The following VWA5B1 variants were observed in gnomAD, a reference collection of about 807,000 sequenced individuals.
VWA5B1 encodes von Willebrand factor A domain-containing protein 5B1.
Under a neutral mutation model 118.2 loss-of-function variants are expected in VWA5B1, and 115 were observed. That is an observed-to-expected ratio of 0.97 (90% CI 0.84 to 1.14). The LOEUF is 1.14. VWA5B1 is among the 50% of genes most tolerant of loss of function. The pLI is 0.00. For missense variants in VWA5B1, 1,596 were observed against 1,603.8 expected (o/e 1.00, Z 0.08); for synonymous variants, 682 against 658.4 (o/e 1.04, Z -0.55).
intron 2 of VWA5B1, 89 bp from the exon 3 acceptor site, chr1:20,312,747 A>G (rs2088885838): frequency 3.5e-6 from 5 of 1,417,814 alleles, no homozygotes; most frequent in Non-Finnish European, 4.6e-6. Flanking sequence ...ACCACCCAAC[A>G]GGCAGACCAA....
At position 20,355,081 on chromosome 1, in the gene VWA5B1, C is replaced by T. The variant is rs1483224659; in HGVS notation, c.*818C>T. Among the ~76,000 whole-genome samples the T allele has an allele frequency of 1.3e-5, 2 of 152,168 alleles. No individual in the cohort carries two copies. The highest frequency in any genetic ancestry group is 4.8e-5 in the African/African-American group (2 of 41,438). Reference sequence around the variant, plus strand: ...ATGGTCACAGAAGTCAATGAAGACACCAGACAACACCTTACTTAATTTTCC... The same window carrying T: ...ATGGTCACAGAAGTCAATGAAGACATCAGACAACACCTTACTTAATTTTCC... On this transcript the variant is annotated 3_prime_UTR_variant, in exon 22 of 22. Transcript: ENST00000289815.
At chr1:20,331,548 A>G (rs1207529461) in intron 11 of VWA5B1, among the ~76,000 whole-genome samples, 1 of 152,206 alleles carries the variant, frequency 6.6e-6, no homozygotes, top group Non-Finnish European at 1.5e-5. Context: ...AGGCCAGTCC[A>G]ACAGCTGTGA....
chr1:20,335,980 T>G (rs1426696656), intron 12 of VWA5B1, among the ~76,000 whole-genome samples: 2 of 152,194 alleles, frequency 1.3e-5, no homozygotes, highest in East Asian at 3.8e-4. Flanking sequence ...GAGAATGGAA[T>G]GGAAGGAACA....
At chr1:20,345,987 C>T (rs555198307) in intron 17 of VWA5B1, among the ~76,000 whole-genome samples, 1 of 152,320 alleles carries the variant, frequency 6.6e-6, no homozygotes, top group Non-Finnish European at 1.5e-5. Flanking sequence ...TCCTTCCAGA[C>T]TTCTCTCTAT....
At chr1:20,321,441 T>A (rs1232655857) in intron 7 of VWA5B1, among the ~76,000 whole-genome samples, 2 of 152,114 alleles carry the variant, frequency 1.3e-5, no homozygotes, top group East Asian at 3.9e-4. Flanking sequence ...AAAAATTAGC[T>A]GGGCTTGGTG....
intron 3 of VWA5B1, among the ~76,000 whole-genome samples, chr1:20,313,914 G>T (rs192302128): frequency 1.4e-4 from 22 of 152,274 alleles, no homozygotes; most frequent in Non-Finnish European, 2.6e-4. Flanking sequence ...TCACGGAGGG[G>T]TTGTGTGGGT....
rs1056348398 is a variant in VWA5B1 at position 20,299,488 on chromosome 1, C to T, written c.-27+8400C>T. Reference sequence around the variant, plus strand: ...GTGCGATCTTAGCTCACCGCAAGCTCCACTTCCCAGGTTCAAGCGATTCTC... The same window carrying T: ...GTGCGATCTTAGCTCACCGCAAGCTTCACTTCCCAGGTTCAAGCGATTCTC... On this transcript the variant is annotated intron_variant, in intron 1 of 21. Transcript: ENST00000289815. 1.3e-4 allele frequency among the ~76,000 whole-genome samples: 20 copies of T among 152,340 alleles called. No individual in the cohort carries two copies. In the East Asian group the frequency reaches 3.9e-3, roughly 29 times the overall value.
chr1:20,305,219 G>A (rs1259550968), intron 1 of VWA5B1, among the ~76,000 whole-genome samples: 1 of 152,172 alleles, frequency 6.6e-6, no homozygotes, highest in Non-Finnish European at 1.5e-5. Context: ...ATGAGCGAGT[G>A]GTCTTGAAGA....
intron 4 of VWA5B1, among the ~76,000 whole-genome samples, chr1:20,315,207 G>A (rs761184483): frequency 2.0e-5 from 3 of 152,212 alleles, no homozygotes; most frequent in Non-Finnish European, 4.4e-5. Flanking sequence ...GTTCTCGTGG[G>A]CGAAAGCAGC....
intron 3 of VWA5B1, among the ~76,000 whole-genome samples, chr1:20,313,317 G>A (rs1028524805): frequency 6.6e-6 from 1 of 152,220 alleles, no homozygotes; most frequent in African/African-American, 2.4e-5. Context: ...CAGAGGCTGT[G>A]GGACCAGTCA....
chr1:20,323,235 A>T, intron 7 of VWA5B1, 121 bp from the exon 8 acceptor site: 1 of 957,734 alleles, frequency 1.0e-6, no homozygotes, highest in Non-Finnish European at 1.4e-6. Context: ...TCAGCCCGGA[A>T]GTCTTCCATG....
In VWA5B1 at chr1:20,330,921, C is replaced by T; in HGVS notation, c.1510C>T (p.Leu504=). ...PNVCHRLVKG[L]ASVSEGSAEL... is the part of the protein sequence containing the mutation. The stretch of plus-strand genomic sequence containing the variant: ...CGTCTGCCACAGACTGGTGAAAGGA[C>T]TGGCATCTGTGTCCGAGGGCAGTGC... The change falls in exon 11 of 22, where the codon CTG becomes TTG. Residue 504 remains leucine, a synonymous_variant. Coordinates refer to ENST00000289815, the MANE Select transcript of VWA5B1 (RefSeq NM_001039500.3). The T allele has an allele frequency of 1.3e-6, 2 of 1,551,734 alleles. No individual in the cohort carries two copies. Among genetic ancestry groups the T allele is most frequent in the Non-Finnish European group, 1.7e-6 (2 of 1,146,996 alleles).
rs1244523351 is a variant in VWA5B1 at position 20,355,881 on chromosome 1, C to A, written c.*1618C>A. Among the ~76,000 whole-genome samples, 3 of 149,972 alleles carry A rather than the reference C, an allele frequency of 2.0e-5. No homozygotes were observed. Among genetic ancestry groups the A allele is most frequent in the Admixed American group, 6.6e-5 (1 of 15,048 alleles). ...CTTTTGAATACTTAAGATGAAATCCCATTGCTGCCTTGTGGACTGGCTCTG... is the reference window on the plus strand; with the variant it reads ...CTTTTGAATACTTAAGATGAAATCCAATTGCTGCCTTGTGGACTGGCTCTG... On this transcript the variant is annotated 3_prime_UTR_variant, in exon 22 of 22. Transcript: ENST00000289815.
chr1:20,327,711 T>C (rs2089429905), intron 8 of VWA5B1, among the ~76,000 whole-genome samples, 179 bp from the exon 9 acceptor site: 1 of 152,028 alleles, frequency 6.6e-6, no homozygotes, highest in Non-Finnish European at 1.5e-5. Context: ...TGGTCCAGCC[T>C]CTGGTCAGTG....
At chr1:20,334,548 C>T (rs1259935625) in intron 12 of VWA5B1, among the ~76,000 whole-genome samples, 2 of 152,208 alleles carry the variant, frequency 1.3e-5, no homozygotes, top group South Asian at 4.1e-4. Context: ...CGATGGCTCA[C>T]GCCTATAATC....
intron 1 of VWA5B1, among the ~76,000 whole-genome samples, chr1:20,294,707 A>C (rs1234391609): frequency 6.6e-6 from 1 of 152,074 alleles, no homozygotes; most frequent in African/African-American, 2.4e-5. Context: ...TCAAACCCCC[A>C]GCCTCCCAAG....
intron 1 of VWA5B1, among the ~76,000 whole-genome samples, chr1:20,308,441 A>G (rs2088734313): frequency 6.6e-6 from 1 of 152,174 alleles, no homozygotes. Context: ...TGCGTTCCCC[A>G]ATCAGCATTC....
At chr1:20,304,085 T>A (rs1208407259) in intron 1 of VWA5B1, among the ~76,000 whole-genome samples, 1 of 152,084 alleles carries the variant, frequency 6.6e-6, no homozygotes, top group East Asian at 1.9e-4. Context: ...CCAAGCACAG[T>A]CCAGGGAGCT....
chr1:20,294,519 G>A (rs2088368570), intron 1 of VWA5B1, among the ~76,000 whole-genome samples: 1 of 152,028 alleles, frequency 6.6e-6, no homozygotes, highest in South Asian at 2.1e-4. Flanking sequence ...CACTCTTGTT[G>A]CCCAGGCTGG....
Sources: allele counts gnomAD v4.1 joint callset (sites outside exome capture counted in the v4.1 genomes callset), GRCh38; gene constraint gnomAD v4.1.1; transcripts MANE v1.5; gene names NCBI Gene and HGNC (gene_info 2026-07-23, HGNC 2026-07-21).